The following SYT6 variants were observed in gnomAD, a reference collection of about 807,000 sequenced individuals.
SYT6 encodes synaptotagmin 6, also known as synaptotagmin-6.
Under a neutral mutation model 38.4 loss-of-function variants are expected in SYT6, and 24 were observed. The observed-to-expected ratio is 0.62, with a 90% CI of 0.45 to 0.88. SYT6 has a LOEUF of 0.88. Among genes scored for constraint, SYT6 ranks in the 40% least tolerant of loss-of-function variants. The probability of loss-of-function intolerance (pLI) is 0.00; values close to 1 mark genes in which losing one functional copy is unlikely to be tolerated. For missense variants in SYT6, 611 were observed against 621.0 expected (o/e 0.98, Z 0.17); for synonymous variants, 265 against 241.9 (o/e 1.10, Z -0.89).
intron 1 of SYT6, among the ~76,000 whole-genome samples, chr1:114,150,951 T>G (rs1289490611): frequency 1.3e-5 from 2 of 152,200 alleles, no homozygotes; most frequent in African/African-American, 4.8e-5. Context: ...AGGGTGTTAC[T>G]AGAAATCTGT....
intron 1 of SYT6, among the ~76,000 whole-genome samples, chr1:114,143,020 T>G (rs1245523746): frequency 6.6e-6 from 1 of 151,930 alleles, no homozygotes. Flanking sequence ...CTCTGATGGA[T>G]CTGGGCAAAG....
At chr1:114,135,484 A>G (rs1480698618) in intron 3 of SYT6, among the ~76,000 whole-genome samples, 1 of 150,766 alleles carries the variant, frequency 6.6e-6, no homozygotes, top group Non-Finnish European at 1.5e-5. Context: ...GGAGGAGGAG[A>G]TGGAGGAGGG....
intron 3 of SYT6, among the ~76,000 whole-genome samples, chr1:114,113,062 A>T (rs1157264198): frequency 6.6e-6 from 1 of 152,206 alleles, no homozygotes; most frequent in Non-Finnish European, 1.5e-5. Flanking sequence ...ACAGGCCTGC[A>T]CTGCGTGACA....
chr1:114,093,780 AT>A lies in SYT6; in HGVS notation c.*5del. On this transcript the variant is annotated 3_prime_UTR_variant, in exon 7 of 8. Transcript: ENST00000610222. The stretch of plus-strand genomic sequence containing the variant: ...CTCTCTGCTTGCAGCATCCACGTGA[AT>A]GAAATCACAACCGAGGGTTTCCCTG... The A allele has an allele frequency of 1.2e-6, 2 of 1,614,112 alleles. No individual in the cohort carries two copies. The highest frequency in any genetic ancestry group is 1.7e-6 in the Non-Finnish European group (2 of 1,179,992).
chr1:114,098,381 AT>A (rs1675775261), intron 5 of SYT6, among the ~76,000 whole-genome samples: 1 of 152,238 alleles, frequency 6.6e-6, no homozygotes, highest in Admixed American at 6.5e-5. Flanking sequence ...GCTTTATTGC[AT>A]GGTTTCTTTC....
Position 114,089,944 on chromosome 1 carries a change from A to T in SYT6, c.*2190T>A, listed in dbSNP as rs968291968. The T allele has an allele frequency of 2.0e-5, 3 of 152,320 alleles. No homozygotes were observed. The highest frequency in any genetic ancestry group is 4.1e-4 in the South Asian group (2 of 4,830). The allele number at this position is 152,320 out of a possible 1,614,324, so 9.4% of individuals were successfully genotyped here. On this transcript the variant is annotated 3_prime_UTR_variant, in exon 8 of 8. Transcript: ENST00000610222. ...GTCTCAGATGAGCAATACTATTGTG[A>T]TTCACATTGATCACACTCCCTTCTC...
chr1:114,146,461 G>T (rs1315068913), intron 1 of SYT6, among the ~76,000 whole-genome samples: 1 of 152,178 alleles, frequency 6.6e-6, no homozygotes, highest in African/African-American at 2.4e-5. Flanking sequence ...GAAATCACAG[G>T]TGCACAAATA....
In SYT6 at chr1:114,137,788, C is replaced by T. The variant is rs1274927601; in HGVS notation, c.778G>A (p.Asp260Asn). The stretch of plus-strand genomic sequence containing the variant: ...TAAGGGTCAGAGCTTCCACAAAAGT[C>T]CTTGGCAGGGAGGTCAAAAGCCTTC... ...ILKAFDLPAK[D>N]FCGSSDPYVK... The change falls in exon 3 of 8, where the codon GAC becomes AAC. Residue 260 changes from aspartate to asparagine, a missense_variant. Asp to Asn is a conservative substitution (Grantham distance 23). Transcript: ENST00000610222. The T allele has an allele frequency of 6.2e-7, 1 of 1,613,956 alleles. No individual in the cohort carries two copies. Among genetic ancestry groups the T allele is most frequent in the African/African-American group, 1.3e-5 (1 of 74,874 alleles).
chr1:114,101,800 A>G (rs1482579674), intron 4 of SYT6, among the ~76,000 whole-genome samples: 1 of 152,204 alleles, frequency 6.6e-6, no homozygotes, highest in Non-Finnish European at 1.5e-5. Context: ...CATGCTGTAA[A>G]TTCAACCATC....
intron 3 of SYT6, among the ~76,000 whole-genome samples, chr1:114,126,644 C>G (rs941299887): frequency 6.6e-6 from 1 of 152,194 alleles, no homozygotes; most frequent in African/African-American, 2.4e-5. Context: ...GGAGAAATCG[C>G]TTTTTGTTGA....
chr1:114,140,280 G>T (rs938758781), intron 1 of SYT6, among the ~76,000 whole-genome samples: 1 of 150,576 alleles, frequency 6.6e-6, no homozygotes, highest in Non-Finnish European at 1.5e-5. Flanking sequence ...CTATTGGCAC[G>T]TGCACAGGGA....
intron 6 of SYT6, among the ~76,000 whole-genome samples, 166 bp downstream of exon 6, chr1:114,097,561 C>T (rs1448538213): frequency 6.6e-6 from 1 of 152,232 alleles, no homozygotes; most frequent in African/African-American, 2.4e-5. Context: ...CAGCCTCCAC[C>T]TTCTTCCTCC....
intron 3 of SYT6, among the ~76,000 whole-genome samples, chr1:114,105,510 G>A (rs1425594250): frequency 6.6e-6 from 1 of 151,340 alleles, no homozygotes; most frequent in Admixed American, 6.6e-5. Context: ...AGCTTCCCAG[G>A]AAGGGCCTGG....
intron 1 of SYT6, among the ~76,000 whole-genome samples, chr1:114,150,598 C>G (rs1679394267): frequency 6.6e-6 from 1 of 152,164 alleles, no homozygotes; most frequent in South Asian, 2.1e-4. Context: ...ACTTCTGGAC[C>G]TCTGCTTGCT....
In SYT6 at chr1:114,091,958, C is replaced by A; in HGVS notation, c.*176G>T. On this transcript the variant is annotated 3_prime_UTR_variant, in exon 8 of 8. Transcript: ENST00000610222. ...GCACAACACTGTTTAGACGGTTGAACAAGTGCAAAGAGAACATTGCTGAGT... is the reference window on the plus strand; with the variant it reads ...GCACAACACTGTTTAGACGGTTGAAAAAGTGCAAAGAGAACATTGCTGAGT... 1 of 1,519,974 alleles carries A rather than the reference C, an allele frequency of 6.6e-7. No homozygotes were observed. 94.2% of individuals were successfully genotyped at this position (1,519,974 alleles called of 1,614,324 possible). A position where few individuals can be genotyped will look rare whatever the true frequency, so the allele number is the denominator to read the frequency against.
At chr1:114,127,825 G>C (rs983668178) in intron 3 of SYT6, among the ~76,000 whole-genome samples, 2 of 152,256 alleles carry the variant, frequency 1.3e-5, no homozygotes, top group Admixed American at 6.5e-5. Flanking sequence ...CCCAAGGGAG[G>C]GGGTGCCAGA....
chr1:114,147,946 G>C (rs1679239235), intron 1 of SYT6, among the ~76,000 whole-genome samples: 1 of 152,200 alleles, frequency 6.6e-6, no homozygotes, highest in Admixed American at 6.5e-5. Flanking sequence ...GCTAAGCTAA[G>C]TCTTTGAGGC....
In SYT6 at chr1:114,097,838, C is replaced by T; in HGVS notation, c.1404G>A (p.Gly468=). The T allele has an allele frequency of 6.2e-7, 1 of 1,614,212 alleles. No individual in the cohort carries two copies. Among genetic ancestry groups the T allele is most frequent in the Non-Finnish European group, 8.5e-7 (1 of 1,180,048 alleles). ...CCCTGCCCAGGCCTTCAGCAGTGATCCCCACACGACAGACTCCTATGATCT... is the reference window on the plus strand; with the variant it reads ...CCCTGCCCAGGCCTTCAGCAGTGATTCCCACACGACAGACTCCTATGATCT... The part of the protein sequence containing the change: ...HNEIIGVCRV[G]ITAEGLGRDH... Residue 468 remains glycine (G), a synonymous_variant, in exon 6 of 8, where the codon GGG becomes GGA. Coordinates refer to ENST00000610222, the MANE Select transcript of SYT6 (RefSeq NM_001253772.2).
At chr1:114,138,362 C>T (rs1275517163) in intron 2 of SYT6, among the ~76,000 whole-genome samples, 1 of 152,172 alleles carries the variant, frequency 6.6e-6, no homozygotes, top group Non-Finnish European at 1.5e-5. Context: ...AGGTTTACTT[C>T]CTAGTAGACA....
Sources: allele counts gnomAD v4.1 joint callset (sites outside exome capture counted in the v4.1 genomes callset), GRCh38; gene constraint gnomAD v4.1.1; transcripts MANE v1.5; gene names NCBI Gene and HGNC (gene_info 2026-07-23, HGNC 2026-07-21).